Variants in ZNF480 observed in about 807,000 individuals in gnomAD.
ZNF480 encodes zinc finger protein 480.
In ZNF480, 15 loss-of-function variants were observed where a neutral mutation model predicts 14.4. That is an observed-to-expected ratio of 1.04 (90% CI 0.70 to 1.60). The LOEUF (loss-of-function observed/expected upper bound fraction) is 1.60. ZNF480 is among the 40% of genes most tolerant of loss of function. The probability of loss-of-function intolerance (pLI) is 0.00; values close to 1 mark genes in which losing one functional copy is unlikely to be tolerated. For synonymous variants in ZNF480, 218 were observed against 215.5 expected, an observed-to-expected ratio of 1.01 and a Z score of -0.10; for missense variants, 593 against 629.7, an observed-to-expected ratio of 0.94 and a Z score of 0.62.
At chr19:52,297,479 C>T (rs1039668524) in intron 1 of ZNF480, among the ~76,000 whole-genome samples, 1 of 151,848 alleles carries the variant, frequency 6.6e-6, no homozygotes, top group Non-Finnish European at 1.5e-5. Flanking sequence ...TGTTTCAAGT[C>T]CTTCAGTGAT....
chr19:52,308,963 T>C (rs1983133399), intron 2 of ZNF480, among the ~76,000 whole-genome samples: 1 of 152,182 alleles, frequency 6.6e-6, no homozygotes, highest in African/African-American at 2.4e-5. Context: ...AATGTCTATG[T>C]GACATGTAAA....
Position 52,322,728 on chromosome 19 carries a change from A to G in ZNF480, c.1478A>G (p.Asn493Ser), listed in dbSNP as rs545071508. ...YKCNECGKVF[N>S]RIAHLARHRK... ...TGTAATGAATGTGGCAAGGTCTTCA[A>G]TCGAATTGCACACCTTGCACGACAT... The change falls in exon 5 of 5, where the codon AAT becomes AGT. Residue 493 changes from asparagine to serine, a missense_variant. By Grantham distance (46) the Asn-to-Ser change is conservative. Transcript: ENST00000595962. 3.4e-5 allele frequency: 55 copies of G among 1,613,394 alleles called. No homozygotes were observed. Among genetic ancestry groups the G allele is most frequent in the Non-Finnish European group, 4.2e-5 (50 of 1,179,702 alleles).
In ZNF480 at chr19:52,304,592, A is replaced by G. The variant is rs932088447; in HGVS notation, c.72+4108A>G. Among the ~76,000 whole-genome samples, 14 of 152,016 alleles carry G rather than the reference A, an allele frequency of 9.2e-5. 2 individuals carry two copies. Among genetic ancestry groups the G allele is most frequent in the African/African-American group, 2.7e-4 (11 of 41,390 alleles). On this transcript the variant is annotated intron_variant, in intron 2 of 4. Transcript: ENST00000595962. ...AGGCTTAACAATGGCTGCCATGAAA[A>G]ATTATATCCTAAACCCTGGTGGGAA... is the stretch of plus-strand genomic sequence containing the variant.
intron 1 of ZNF480, among the ~76,000 whole-genome samples, chr19:52,298,100 C>A (rs1413127772): frequency 6.7e-6 from 1 of 149,688 alleles, no homozygotes; most frequent in Non-Finnish European, 1.5e-5. Flanking sequence ...GTGAGAGGGG[C>A]AGCAAAGTGG....
At chr19:52,308,307 C>CTTTTT (rs146136889) in intron 2 of ZNF480, among the ~76,000 whole-genome samples, 1 of 128,190 alleles carries the variant, frequency 7.8e-6, no homozygotes, top group Non-Finnish European at 1.6e-5. Flanking sequence ...TTTTTTTCTT[C>CTTTTT]TTTTTTTTTT....
At chr19:52,297,313 A>G in intron 1 of ZNF480, 90 bp downstream of exon 1, 1 of 413,142 alleles carries the variant, frequency 2.4e-6, no homozygotes, top group Non-Finnish European at 4.8e-6. Context: ...AGACCTTGAA[A>G]TCCTCGCACC....
intron 2 of ZNF480, chr19:52,301,823 C>G (rs553639118): frequency 6.6e-6 from 1 of 152,268 alleles, no homozygotes; most frequent in Non-Finnish European, 1.5e-5. Flanking sequence ...GAGAGGCTTC[C>G]CAAGGACAGG....
chr19:52,321,983 C>T lies in ZNF480; in HGVS notation c.733C>T (p.His245Tyr). 2 of 1,612,322 alleles carry T rather than the reference C, an allele frequency of 1.2e-6. No homozygotes were observed. The highest frequency in any genetic ancestry group is 1.7e-6 in the Non-Finnish European group (2 of 1,178,600). The change falls in exon 5 of 5, where the codon CAC becomes TAC. Residue 245 changes from histidine to tyrosine, a missense_variant. Coordinates refer to ENST00000595962, the MANE Select transcript of ZNF480 (RefSeq NM_144684.4). ...SCGKVFSRNS[H>Y]LAEHCRIHTG... The stretch of plus-strand genomic sequence containing the variant: ...CGGCAAGGTCTTTAGTCGCAATTCA[C>T]ACCTTGCAGAACATTGTAGAATTCA...
At chr19:52,318,225 G>C (rs1983648684) in intron 4 of ZNF480, among the ~76,000 whole-genome samples, 1 of 151,978 alleles carries the variant, frequency 6.6e-6, no homozygotes, top group Non-Finnish European at 1.5e-5. Context: ...TCCCACCTCA[G>C]CCTCCCAAGT....
intron 4 of ZNF480, among the ~76,000 whole-genome samples, chr19:52,319,409 T>C (rs1983702178): frequency 6.6e-6 from 1 of 152,214 alleles, no homozygotes; most frequent in Non-Finnish European, 1.5e-5. Context: ...GTCATCTCAC[T>C]GCCTTCTGGC....
chr19:52,322,363 C>A lies in ZNF480; in HGVS notation c.1113C>A (p.Tyr371Ter). ...AAATTCATACTGGAGAGAAACCTTA[C>A]AAATGTAATGAATGTGGAAAGGTCT... is the stretch of plus-strand genomic sequence containing the variant. ...HQKIHTGEKP[Y>*]KCNECGKVFI... Residue 371 changes from tyrosine to a stop codon, truncating the protein, a stop_gained, in exon 5 of 5, where the codon TAC becomes TAA. Transcript: ENST00000595962. LOFTEE classifies it low-confidence loss of function (END_TRUNC). The A allele has an allele frequency of 6.2e-7, 1 of 1,613,900 alleles. No individual in the cohort carries two copies. The highest frequency in any genetic ancestry group is 1.1e-5 in the South Asian group (1 of 91,078).
At chr19:52,305,639 C>T (rs1470319428) in intron 2 of ZNF480, among the ~76,000 whole-genome samples, 3 of 152,220 alleles carry the variant, frequency 2.0e-5, no homozygotes, top group Non-Finnish European at 4.4e-5. Context: ...TCCCCACTGG[C>T]AAGGGGTGCC....
intron 2 of ZNF480, among the ~76,000 whole-genome samples, chr19:52,304,475 T>C (rs1039477293): frequency 2.0e-5 from 3 of 152,144 alleles, no homozygotes; most frequent in Admixed American, 1.3e-4. Context: ...AGTAACTAAG[T>C]CCTCTAAAGC....
At chr19:52,299,223 T>A (rs1362954537) in intron 1 of ZNF480, among the ~76,000 whole-genome samples, 1 of 152,118 alleles carries the variant, frequency 6.6e-6, no homozygotes, top group East Asian at 1.9e-4. Context: ...AACCAAAGTG[T>A]TTTTCCTACT....
intron 3 of ZNF480, among the ~76,000 whole-genome samples, chr19:52,314,753 G>A (rs377203126): frequency 1.3e-4 from 19 of 151,664 alleles, no homozygotes; most frequent in Middle Eastern, 3.2e-3. Flanking sequence ...GCAGTGAGCC[G>A]AGAATGCACC....
chr19:52,318,233 A>G (rs984632539), intron 4 of ZNF480, among the ~76,000 whole-genome samples: 15 of 151,884 alleles, frequency 9.9e-5, no homozygotes, highest in Admixed American at 9.9e-4. Context: ...CAGCCTCCCA[A>G]GTAGTTGGGA....
chr19:52,320,206 C>G (rs1983749441), intron 4 of ZNF480, among the ~76,000 whole-genome samples: 1 of 152,132 alleles, frequency 6.6e-6, no homozygotes, highest in Non-Finnish European at 1.5e-5. Context: ...TGAATTTTTA[C>G]TTTATTTATT....
chr19:52,300,598 G>T, intron 2 of ZNF480, 114 bp downstream of exon 2: 5 of 1,552,856 alleles, frequency 3.2e-6, no homozygotes, highest in Non-Finnish European at 4.4e-6. Flanking sequence ...GTTTGCTCAC[G>T]CTTACCTATG....
At chr19:52,311,171 A>G (rs1003792111) in intron 2 of ZNF480, among the ~76,000 whole-genome samples, 2 of 151,918 alleles carry the variant, frequency 1.3e-5, no homozygotes, top group African/African-American at 2.4e-5. Context: ...AAATAGATAA[A>G]TTTTATGGAC....
Sources: allele counts gnomAD v4.1 joint callset (sites outside exome capture counted in the v4.1 genomes callset), GRCh38; gene constraint gnomAD v4.1.1; transcripts MANE v1.5; gene names NCBI Gene and HGNC (gene_info 2026-07-23, HGNC 2026-07-21).